The following TNRC6B variants were observed in gnomAD, a reference collection of about 807,000 sequenced individuals.
TNRC6B encodes trinucleotide repeat-containing gene 6B protein.
Under a neutral mutation model 203.6 loss-of-function variants are expected in TNRC6B, and 52 were observed. That is an observed-to-expected ratio of 0.26 (90% CI 0.20 to 0.32). The LOEUF (loss-of-function observed/expected upper bound fraction) is 0.32, where lower values mean the gene tolerates loss of function less well. Ranked by LOEUF, TNRC6B falls within the 10% of genes least tolerant of loss-of-function variation. The pLI, the probability that TNRC6B is intolerant of heterozygous loss-of-function variation, is 1.00. For synonymous variants in TNRC6B, 838 were observed against 845.7 expected (o/e 0.99, Z 0.16); for missense variants, 1,923 against 2,286.2 (o/e 0.84, Z 3.24).
chr22:40,162,122 GTT>G (rs1319489342), intron 4 of TNRC6B, among the ~76,000 whole-genome samples: 7 of 152,076 alleles, frequency 4.6e-5, no homozygotes, highest in Non-Finnish European at 1.0e-4. Context: ...TTGAGACAGA[GTT>G]TCGCTCTTGT....
chr22:40,142,071 GT>G (rs2068649184), intron 3 of TNRC6B, among the ~76,000 whole-genome samples: 1 of 149,536 alleles, frequency 6.7e-6, no homozygotes, highest in Non-Finnish European at 1.5e-5. Context: ...TCTTGTTTTT[GT>G]TTTTGAAGCA....
upstream of TNRC6B, among the ~76,000 whole-genome samples, chr22:40,177,656 C>T (rs545724985): frequency 6.6e-6 from 1 of 152,304 alleles, no homozygotes; most frequent in African/African-American, 2.4e-5. Context: ...CTGTAAGAAT[C>T]GTTAGCAACT....
rs1290133006 is a variant in TNRC6B, at chr22:40,154,861, ATATAT to A, written c.46-1253_46-1249del. On this transcript the variant is annotated intron_variant, in intron 3 of 23. Coordinates refer to the TNRC6B transcript ENST00000301923. ...ATCTCAAAAAAAAAAAAAAAAAAAA[ATATAT>A]ATATATATATATATATATATATATA... is the stretch of plus-strand genomic sequence containing the variant. 2.5e-3 allele frequency among the ~76,000 whole-genome samples: 47 copies of A among 18,454 alleles called. 1 individual carries two copies. Among genetic ancestry groups the A allele is most frequent in the Non-Finnish European group, 2.6e-3 (31 of 11,940 alleles). 12.1% of individuals were successfully genotyped at this position (18,454 alleles called of 152,430 possible). A position where few individuals can be genotyped will look rare whatever the true frequency, so the allele number is the denominator to read the frequency against.
chr22:40,286,865 AGT>A (rs1262137408), intron 12 of TNRC6B, among the ~76,000 whole-genome samples: 5 of 152,218 alleles, frequency 3.3e-5, no homozygotes, highest in African/African-American at 1.2e-4. Context: ...GCAAGGATTC[AGT>A]GTGTGGCCTT....
intron 1 of TNRC6B, among the ~76,000 whole-genome samples, chr22:40,098,353 C>T (rs900866843): frequency 1.1e-4 from 16 of 139,638 alleles, no homozygotes; most frequent in Non-Finnish European, 1.6e-4. Context: ...CCATTGCACT[C>T]CAGCCTGGGC....
Position 40,264,758 on chromosome 22 carries a change from C to T in TNRC6B, c.528C>T (p.Asn176=). 1 of 1,611,960 alleles carries T rather than the reference C, an allele frequency of 6.2e-7. No homozygotes were observed. Among genetic ancestry groups the T allele is most frequent in the Non-Finnish European group, 8.5e-7 (1 of 1,178,744 alleles). The change falls in exon 5 of 23, where the codon AAC becomes AAT. Residue 176 remains asparagine, a synonymous_variant. Transcript: ENST00000454349. ...CTTGGGGCTCGGGAGCCTCCTCCAA[C>T]AACGGCACCTCCCCCAACCCAATTC... The part of the protein sequence containing the change: ...NSTWGSGASS[N]NGTSPNPIHI...
Position 40,266,786 on chromosome 22 carries a change from A to G in TNRC6B, c.2556A>G (p.Arg852=), listed in dbSNP as rs1295976801. ...GPPPPPPGNV[R]PSNSSWSSGP... ...CCCCACCACCTCCAGGCAACGTTCG[A>G]CCTTCCAATTCCAGCTGGAGCAGCG... The change falls in exon 5 of 23, where the codon CGA becomes CGG. Residue 852 remains arginine (R), a synonymous_variant. Transcript: ENST00000454349. The G allele has an allele frequency of 6.2e-7, 1 of 1,613,550 alleles. No homozygotes were observed. The highest frequency in any genetic ancestry group is 1.3e-5 in the African/African-American group (1 of 75,040).
intron 1 of TNRC6B, among the ~76,000 whole-genome samples, chr22:40,090,483 A>G (rs1422005178): frequency 6.6e-6 from 1 of 151,306 alleles, no homozygotes; most frequent in African/African-American, 2.4e-5. Flanking sequence ...CCATCTGTAT[A>G]TCTTCTTCAG....
rs1304613049 is a variant in TNRC6B, at chr22:40,330,906, T to G, written c.*7665T>G. ...AGTTGAGTGGAAGAGATTCTGGGAC[T>G]TGGGAGAGGAGACAGGGGAAGGTAC... On this transcript the variant is annotated 3_prime_UTR_variant, in exon 23 of 23. Transcript: ENST00000454349. The G allele has an allele frequency of 6.6e-6, 1 of 152,504 alleles. No individual in the cohort carries two copies. Among genetic ancestry groups the G allele is most frequent in the Non-Finnish European group, 1.5e-5 (1 of 68,002 alleles). The allele number at this position is 152,504 out of a possible 1,614,324, so 9.4% of individuals were successfully genotyped here.
chr22:40,231,128 C>T (rs1436574097), intron 1 of TNRC6B, among the ~76,000 whole-genome samples: 1 of 152,042 alleles, frequency 6.6e-6, no homozygotes, highest in Non-Finnish European at 1.5e-5. Context: ...AAAAATAAGA[C>T]AGTACCATAC....
Position 40,177,959 on chromosome 22 carries a change from A to G in TNRC6B, c.-177A>G. 3 of 1,421,510 alleles carry G rather than the reference A, an allele frequency of 2.1e-6. No homozygotes were observed. The highest frequency in any genetic ancestry group is 2.7e-6 in the Non-Finnish European group (3 of 1,092,672). 88.1% of individuals were successfully genotyped at this position (1,421,510 alleles called of 1,614,324 possible). On this transcript the variant is annotated 5_prime_UTR_variant, in exon 1 of 23. Coordinates refer to ENST00000454349, the MANE Select transcript of TNRC6B (RefSeq NM_001162501.2). ...GAGGGAGAGAGAGAGCAAGAGGGAG[A>G]GTGTGTGAGAGAGAGTTAGTTCAAG...
chr22:40,074,235 CAAA>C (rs944802253), intron 1 of TNRC6B, among the ~76,000 whole-genome samples: 6 of 68,346 alleles, frequency 8.8e-5, no homozygotes, highest in African/African-American at 1.3e-4. Flanking sequence ...CGCTCTGTCT[CAAA>C]AAAAAAAAAA....
At chr22:40,293,427 A>G (rs2070896070) in intron 12 of TNRC6B, among the ~76,000 whole-genome samples, 1 of 151,908 alleles carries the variant, frequency 6.6e-6, no homozygotes, top group South Asian at 2.1e-4. Context: ...TCCTGGCCTC[A>G]CGTGATCTGC....
intron 1 of TNRC6B, among the ~76,000 whole-genome samples, chr22:40,238,555 T>C (rs1205252031): frequency 6.6e-6 from 1 of 152,072 alleles, no homozygotes; most frequent in Non-Finnish European, 1.5e-5. Context: ...TTGCCATTCC[T>C]CAGATACACC....
intron 3 of TNRC6B, among the ~76,000 whole-genome samples, chr22:40,260,031 C>T (rs1463829343): frequency 5.3e-5 from 8 of 152,002 alleles, no homozygotes; most frequent in Non-Finnish European, 1.2e-4. Flanking sequence ...GTATGTTCGA[C>T]GGGAAGAGCC....
chr22:40,303,913 A>C (rs2071057963), intron 15 of TNRC6B, among the ~76,000 whole-genome samples: 1 of 152,184 alleles, frequency 6.6e-6, no homozygotes, highest in Non-Finnish European at 1.5e-5. Context: ...CCGTCTCAAA[A>C]ATAATTTTTT....
intron 1 of TNRC6B, among the ~76,000 whole-genome samples, chr22:40,194,525 T>TGTGGA (rs2069312608): frequency 6.6e-6 from 1 of 152,204 alleles, no homozygotes; most frequent in African/African-American, 2.4e-5. Flanking sequence ...TTTGGCGTGG[T>TGTGGA]GTGGAAGGGG....
intron 1 of TNRC6B, among the ~76,000 whole-genome samples, chr22:40,243,880 C>G (rs192405861): frequency 1.3e-4 from 20 of 152,264 alleles, no homozygotes; most frequent in Admixed American, 9.8e-4. Context: ...TCACTGCGCC[C>G]AGCTAACATT....
chr22:40,055,604 C>T (rs1448873286), intron 1 of TNRC6B, among the ~76,000 whole-genome samples: 2 of 152,162 alleles, frequency 1.3e-5, no homozygotes, highest in African/African-American at 4.8e-5. Context: ...GCATAGAGTA[C>T]CATTCAGAGA....
Sources: allele counts gnomAD v4.1 joint callset (sites outside exome capture counted in the v4.1 genomes callset), GRCh38; gene constraint gnomAD v4.1.1; transcripts MANE v1.5; gene names NCBI Gene and HGNC (gene_info 2026-07-23, HGNC 2026-07-21).